The following MTREX variants were observed in gnomAD, a reference collection of about 807,000 sequenced individuals.
MTREX encodes Mtr4 exosome RNA helicase, also known as exosome RNA helicase MTR4.
In MTREX, 76 loss-of-function variants were observed where a neutral mutation model predicts 135.4. That is an observed-to-expected ratio of 0.56 (90% CI 0.47 to 0.68). MTREX has a LOEUF of 0.68. Ranked by LOEUF, MTREX falls within the 30% of genes least tolerant of loss-of-function variation. The probability of loss-of-function intolerance (pLI) is 0.00; values close to 1 mark genes in which losing one functional copy is unlikely to be tolerated. For missense variants in MTREX, 920 were observed against 1,262.1 expected (o/e 0.73, Z 4.11); for synonymous variants, 404 against 401.6 (o/e 1.01, Z -0.07).
In MTREX at chr5:55,418,027, A is replaced by G. The variant is rs182467821; in HGVS notation, c.2971+1895A>G. ...AGGCGGGCGGATCAGGAGGTCAGGA[A>G]ATCGAGACCATCCTGGCTAACACGG... On this transcript the variant is annotated intron_variant, in intron 25 of 26. Coordinates refer to ENST00000230640, the MANE Select transcript of MTREX (RefSeq NM_015360.5). 2.4e-3 allele frequency among the ~76,000 whole-genome samples: 362 copies of G among 151,562 alleles called. 1 individual carries two copies. The highest frequency in any genetic ancestry group is 6.3e-3 in the African/African-American group (260 of 41,418).
chr5:55,353,873 T>A (rs949617555), intron 14 of MTREX, among the ~76,000 whole-genome samples: 1 of 152,222 alleles, frequency 6.6e-6, no homozygotes, highest in South Asian at 2.1e-4. Flanking sequence ...TTTAAATATG[T>A]CTAGAGTTTT....
intron 16 of MTREX, among the ~76,000 whole-genome samples, chr5:55,373,465 T>C (rs1470937723): frequency 6.6e-6 from 1 of 152,150 alleles, no homozygotes; most frequent in East Asian, 1.9e-4. Flanking sequence ...AACAAAAATT[T>C]ATTTGTTGAG....
Position 55,339,442 on chromosome 5 carries a change from A to G in MTREX, c.516-568A>G, listed in dbSNP as rs146887131. Among the ~76,000 whole-genome samples, 3 of 152,304 alleles carry G rather than the reference A, an allele frequency of 2.0e-5. No homozygotes were observed. In the East Asian group the frequency reaches 5.8e-4, roughly 29 times the overall value. Reference sequence around the variant, plus strand: ...TCTTAAATAAGGAGGATCTACTACAATGTTAAGTTTAATGCTATCTGTCTA... The same window carrying G: ...TCTTAAATAAGGAGGATCTACTACAGTGTTAAGTTTAATGCTATCTGTCTA... On this transcript the variant is annotated intron_variant, in intron 5 of 26. Coordinates refer to ENST00000230640, the MANE Select transcript of MTREX (RefSeq NM_015360.5).
At chr5:55,371,963 A>G (rs780026726) in intron 16 of MTREX, among the ~76,000 whole-genome samples, 9 of 152,092 alleles carry the variant, frequency 5.9e-5, no homozygotes, top group Non-Finnish European at 1.2e-4. Context: ...AGTGATTTGG[A>G]GTGATATAAA....
chr5:55,307,992 T>G lies in MTREX; in HGVS notation c.-22T>G, dbSNP rs1350925479. The G allele has an allele frequency of 1.2e-6, 2 of 1,613,808 alleles. No homozygotes were observed. The highest frequency in any genetic ancestry group is 2.7e-5 in the African/African-American group (2 of 74,850). ...CGGGGCATCGTGGGTAGGAGGGAGA[T>G]TTGCTCTCACTGCTCCCAAAAATGG... On this transcript the variant is annotated 5_prime_UTR_variant, in exon 1 of 27. Coordinates refer to ENST00000230640, the MANE Select transcript of MTREX (RefSeq NM_015360.5).
intron 19 of MTREX, among the ~76,000 whole-genome samples, chr5:55,388,911 A>G (rs182589659): frequency 6.6e-6 from 1 of 152,318 alleles, no homozygotes; most frequent in African/African-American, 2.4e-5. Flanking sequence ...ATTTGTTATT[A>G]TAAGCATGGT....
intron 5 of MTREX, among the ~76,000 whole-genome samples, chr5:55,334,351 C>T (rs2112047148): frequency 6.6e-6 from 1 of 152,054 alleles, no homozygotes; most frequent in East Asian, 1.9e-4. Context: ...AAAAAGTAAA[C>T]CTGATGAAGT....
At chr5:55,421,370 G>A (rs1015192559) in intron 25 of MTREX, among the ~76,000 whole-genome samples, 1 of 152,208 alleles carries the variant, frequency 6.6e-6, no homozygotes, top group African/African-American at 2.4e-5. Context: ...TTGTTGATGA[G>A]ACTCTGTGGG....
Position 55,341,738 on chromosome 5 carries a change from A to G in MTREX, c.748A>G (p.Ile250Val). ...SEVMREVAWV[I>V]FDEIHYMRDS... The stretch of plus-strand genomic sequence containing the variant: ...AGTTATGAGAGAAGTTGCTTGGGTT[A>G]TATTTGATGAAATTCATTATATGAG... Residue 250 changes from isoleucine to valine, a missense_variant, in exon 7 of 27, where the codon ATA becomes GTA. Physicochemically the swap from Ile to Val is conservative, Grantham distance 29. Around this residue, in one of 6 missense-constraint regions of MTREX, gnomAD observed 88 missense variants for 202.5 expected, o/e 0.43. Transcript: ENST00000230640. 1.3e-6 allele frequency: 2 copies of G among 1,585,030 alleles called. No individual in the cohort carries two copies. Among genetic ancestry groups the G allele is most frequent in the Non-Finnish European group, 1.7e-6 (2 of 1,156,064 alleles).
In MTREX at chr5:55,425,484, G is replaced by T; in HGVS notation, c.*712G>T. 1 of 681,432 alleles carries T rather than the reference G, an allele frequency of 1.5e-6. No homozygotes were observed. The highest frequency in any genetic ancestry group is 2.2e-6 in the Non-Finnish European group (1 of 455,106). 42.2% of individuals were successfully genotyped at this position (681,432 alleles called of 1,614,324 possible). A position where few individuals can be genotyped will look rare whatever the true frequency, so the allele number is the denominator to read the frequency against. ...CATATAAAAAATTAGAGACTAACTGGGATTTTTTAAAGATTATTCCAAATT... is the reference window on the plus strand; with the variant it reads ...CATATAAAAAATTAGAGACTAACTGTGATTTTTTAAAGATTATTCCAAATT... On this transcript the variant is annotated 3_prime_UTR_variant, in exon 27 of 27. Coordinates refer to ENST00000230640, the MANE Select transcript of MTREX (RefSeq NM_015360.5).
At chr5:55,365,574 A>C (rs1750088312) in intron 15 of MTREX, among the ~76,000 whole-genome samples, 1 of 152,232 alleles carries the variant, frequency 6.6e-6, no homozygotes, top group African/African-American at 2.4e-5. Flanking sequence ...CCATTTAGAA[A>C]TATGTGGCCT....
At chr5:55,343,782 A>T (rs1749688956) in intron 8 of MTREX, among the ~76,000 whole-genome samples, 1 of 152,182 alleles carries the variant, frequency 6.6e-6, no homozygotes, top group Non-Finnish European at 1.5e-5. Context: ...GTTATCCATG[A>T]GTACACAGAA....
chr5:55,352,015 TTTTTG>T (rs1749837329), intron 13 of MTREX, among the ~76,000 whole-genome samples: 5 of 151,254 alleles, frequency 3.3e-5, no homozygotes, highest in African/African-American at 1.2e-4. Context: ...TTTGTTTTTG[TTTTTG>T]TTTTTGTTTT....
chr5:55,409,279 T>G (rs1328099934), intron 22 of MTREX, among the ~76,000 whole-genome samples: 1 of 152,274 alleles, frequency 6.6e-6, no homozygotes, highest in South Asian at 2.1e-4. Context: ...TATATGAGAT[T>G]ATTATTCATG....
Position 55,397,433 on chromosome 5 carries a change from G to T in MTREX, c.2199G>T (p.Val733=), listed in dbSNP as rs1750662401. 1 of 1,608,610 alleles carries T rather than the reference G, an allele frequency of 6.2e-7. No individual in the cohort carries two copies. The highest frequency in any genetic ancestry group is 1.3e-5 in the African/African-American group (1 of 74,954). ...KGEMQVVPVL[V]HLLSAISSVR... ...GGTCATAGGTTGTCCCAGTTTTGGT[G>T]CATCTCCTGTCTGCTATCAGCAGTG... Residue 733 remains valine (V), a synonymous_variant, in exon 20 of 27, where the codon GTG becomes GTT. Coordinates refer to ENST00000230640, the MANE Select transcript of MTREX (RefSeq NM_015360.5).
In MTREX at chr5:55,399,530, C is replaced by T. The variant is rs190114274; in HGVS notation, c.2293-703C>T. On this transcript the variant is annotated intron_variant, in intron 20 of 26. Coordinates refer to ENST00000230640, the MANE Select transcript of MTREX (RefSeq NM_015360.5). ...TGAGACGGAGTCTTGCTCTGTCGCT[C>T]AAGCCAGAGTGCAGTGGCGCAATCT... 4.5e-3 allele frequency among the ~76,000 whole-genome samples: 682 copies of T among 152,188 alleles called. 7 individuals carry two copies. The highest frequency in any genetic ancestry group is 9.2e-3 in the Admixed American group (141 of 15,280).
intron 24 of MTREX, among the ~76,000 whole-genome samples, chr5:55,415,082 A>G (rs1003326855): frequency 6.6e-6 from 1 of 152,164 alleles, no homozygotes; most frequent in South Asian, 2.1e-4. Context: ...TCTGTTCAAC[A>G]TTAGACAAAG....
chr5:55,365,400 A>G (rs1750085906), intron 15 of MTREX, among the ~76,000 whole-genome samples: 1 of 152,140 alleles, frequency 6.6e-6, no homozygotes, highest in African/African-American at 2.4e-5. Context: ...AGTTTTCAGG[A>G]ACTAAGAAAT....
intron 1 of MTREX, among the ~76,000 whole-genome samples, chr5:55,311,235 C>T (rs1206149978): frequency 2.0e-5 from 3 of 151,728 alleles, no homozygotes; most frequent in Non-Finnish European, 4.4e-5. Flanking sequence ...TAATCAAATG[C>T]AAGTTGTTTT....
Sources: gnomAD v4.1 joint callset for allele counts (sites outside exome capture counted in the v4.1 genomes callset) on GRCh38, gnomAD v4.1.1 for gene constraint, gnomAD v4.1.1 regional missense constraint, MANE v1.5 for transcripts, NCBI Gene and HGNC (gene_info 2026-07-23, HGNC 2026-07-21) for gene names.